Variants in MCTP1 observed in about 807,000 individuals in gnomAD.
MCTP1 encodes multiple C2 and transmembrane domain-containing protein 1.
In MCTP1, 69 loss-of-function variants were observed where a neutral mutation model predicts 120.6. The observed-to-expected ratio is 0.57, with a 90% confidence interval of 0.47 to 0.70. MCTP1 has a LOEUF of 0.70. MCTP1 is among the 30% of genes least tolerant of loss of function. The pLI is 0.00. For synonymous variants in MCTP1, 529 were observed against 493.1 expected (o/e 1.07, Z -0.96); for missense variants, 1,203 against 1,248.8 (o/e 0.96, Z 0.55).
intron 19 of MCTP1, among the ~76,000 whole-genome samples, chr5:94,747,450 A>G (rs1767175490): frequency 6.6e-6 from 1 of 152,158 alleles, no homozygotes; most frequent in South Asian, 2.1e-4. Context: ...GTAAAGGGCT[A>G]AATAGTAAAT....
intron 1 of MCTP1, among the ~76,000 whole-genome samples, chr5:95,277,242 GT>G (rs1759926454): frequency 6.6e-6 from 1 of 152,156 alleles, no homozygotes; most frequent in Admixed American, 6.5e-5. Flanking sequence ...GAAGTAGGAT[GT>G]TTTTCCATCC....
At chr5:94,786,235 C>G (rs528973371) in intron 18 of MCTP1, among the ~76,000 whole-genome samples, 1 of 152,228 alleles carries the variant, frequency 6.6e-6, no homozygotes, top group Admixed American at 6.5e-5. Flanking sequence ...AAAGAATATT[C>G]TGACACTAAT....
chr5:94,939,620 A>G (rs1269739822), intron 5 of MCTP1, among the ~76,000 whole-genome samples: 2 of 152,008 alleles, frequency 1.3e-5, no homozygotes, highest in Non-Finnish European at 2.9e-5. Context: ...AAGAAGATGA[A>G]AAGTATTCAC....
intron 10 of MCTP1, among the ~76,000 whole-genome samples, chr5:94,903,476 T>A (rs544945880): frequency 6.6e-6 from 1 of 152,368 alleles, no homozygotes; most frequent in Admixed American, 6.5e-5. Context: ...ACAGTTCACA[T>A]TCTCTTCTCT....
chr5:94,822,824 T>G (rs535554266), intron 17 of MCTP1, among the ~76,000 whole-genome samples: 6 of 152,364 alleles, frequency 3.9e-5, no homozygotes, highest in Non-Finnish European at 8.8e-5. Context: ...TGAGCTTTTT[T>G]TCATATGTTT....
At position 94,749,971 on chromosome 5, in the gene MCTP1, A is replaced by G. The variant is rs535588658; in HGVS notation, c.2610+29139T>C. On this transcript the variant is annotated intron_variant, in intron 19 of 22. Transcript: ENST00000515393. ...TAAACTAAAAGAAGTCTGACTCCAG[A>G]GCCCGAAAAACTATTACTTCAGTCT... Among the ~76,000 whole-genome samples the G allele has an allele frequency of 1.6e-4, 24 of 152,366 alleles. No homozygotes were observed. In the South Asian group the frequency reaches 5.0e-3, roughly 32 times the overall value.
chr5:94,764,639 G>T (rs1238944196), intron 19 of MCTP1, among the ~76,000 whole-genome samples: 3 of 151,600 alleles, frequency 2.0e-5, no homozygotes, highest in Non-Finnish European at 4.4e-5. Context: ...AGACAAAGAA[G>T]GTCATTATAT....
Position 94,947,577 on chromosome 5 carries a change from T to TATAGAGAGAGAG in MCTP1, c.982-5151_982-5150insCTCTCTCTCTAT. 1.7e-3 allele frequency among the ~76,000 whole-genome samples: 82 copies of TATAGAGAGAGAG among 47,378 alleles called. 4 individuals are homozygous for TATAGAGAGAGAG. Among genetic ancestry groups the TATAGAGAGAGAG allele is most frequent in the Non-Finnish European group, 2.6e-3 (66 of 25,004 alleles). The allele number at this position is 47,378 out of a possible 152,430, so 31.1% of individuals were successfully genotyped here. On this transcript the variant is annotated intron_variant, in intron 3 of 22. Transcript: ENST00000515393. ...CTAAATATATATATATATATATATA[T>TATAGAGAGAGAG]AGAGAGAGAGAGAGAGAGAGAGAGA...
At chr5:94,947,395 C>T (rs761089679) in intron 3 of MCTP1, among the ~76,000 whole-genome samples, 10 of 151,338 alleles carry the variant, frequency 6.6e-5, no homozygotes, top group Admixed American at 6.0e-4. Context: ...AATATGACAT[C>T]GCTCCTTAGA....
intron 1 of MCTP1, among the ~76,000 whole-genome samples, chr5:95,087,516 A>C (rs1257107381): frequency 6.6e-6 from 1 of 152,146 alleles, no homozygotes; most frequent in African/African-American, 2.4e-5. Flanking sequence ...AAGGGGCTAG[A>C]TCTCTGGATT....
intron 1 of MCTP1, among the ~76,000 whole-genome samples, chr5:95,098,906 A>G (rs925552089): frequency 1.2e-4 from 18 of 152,230 alleles, no homozygotes; most frequent in African/African-American, 4.3e-4. Context: ...ACAGCATGGT[A>G]CTGGTACCAA....
intron 19 of MCTP1, among the ~76,000 whole-genome samples, chr5:94,756,201 C>T (rs2152826410): frequency 6.6e-6 from 1 of 152,332 alleles, no homozygotes; most frequent in East Asian, 1.9e-4. Flanking sequence ...CCCCACTTTG[C>T]AGATGTGGTA....
At chr5:95,019,896 A>G (rs186778283) in intron 1 of MCTP1, among the ~76,000 whole-genome samples, 1 of 152,244 alleles carries the variant, frequency 6.6e-6, no homozygotes, top group African/African-American at 2.4e-5. Context: ...ACAACTTTTC[A>G]AAGAACAGTG....
chr5:95,262,962 G>A (rs1229862762), intron 1 of MCTP1, among the ~76,000 whole-genome samples: 7 of 152,166 alleles, frequency 4.6e-5, no homozygotes. Flanking sequence ...AAGCATATAT[G>A]AAGCAAAGGG....
At chr5:94,823,066 G>C (rs1174564053) in intron 17 of MCTP1, among the ~76,000 whole-genome samples, 2 of 152,134 alleles carry the variant, frequency 1.3e-5, no homozygotes, top group African/African-American at 4.8e-5. Context: ...GATTCCATTT[G>C]TCAATTTTGG....
chr5:94,947,091 T>C (rs1416973723), intron 3 of MCTP1, among the ~76,000 whole-genome samples: 1 of 152,206 alleles, frequency 6.6e-6, no homozygotes, highest in African/African-American at 2.4e-5. Context: ...AATCTGCTTT[T>C]GTTGCCTAGG....
intron 1 of MCTP1, among the ~76,000 whole-genome samples, chr5:95,101,597 G>A (rs1162751909): frequency 6.6e-6 from 1 of 152,200 alleles, no homozygotes; most frequent in Non-Finnish European, 1.5e-5. Context: ...GGCTGTGTGT[G>A]GCAGGCAGTA....
intron 1 of MCTP1, among the ~76,000 whole-genome samples, chr5:95,259,964 G>A (rs961718249): frequency 6.6e-6 from 1 of 152,186 alleles, no homozygotes; most frequent in Admixed American, 6.5e-5. Context: ...CCAAGGAGGG[G>A]TTTGTGCCTG....
chr5:94,988,721 G>A (rs1209148060), intron 2 of MCTP1, among the ~76,000 whole-genome samples: 1 of 151,334 alleles, frequency 6.6e-6, no homozygotes, highest in Non-Finnish European at 1.5e-5. Context: ...TTCTCATGAC[G>A]CTATAAAAGA....
Sources: allele counts gnomAD v4.1 joint callset (sites outside exome capture counted in the v4.1 genomes callset), GRCh38; gene constraint gnomAD v4.1.1; transcripts MANE v1.5; gene names NCBI Gene and HGNC (gene_info 2026-07-23, HGNC 2026-07-21).